The following GNG2 variants were observed in gnomAD, a reference collection of about 807,000 sequenced individuals.
GNG2 encodes the protein G protein subunit gamma 2.
A neutral mutation model predicts 5.5 loss-of-function variants in GNG2; 5 were observed. That is an observed-to-expected ratio of 0.91 (90% CI 0.48 to 1.92). The LOEUF is 1.92. GNG2 is among the 30% of genes most tolerant of loss of function. The pLI is 0.01. For synonymous variants in GNG2, 28 were observed against 32.0 expected, an observed-to-expected ratio of 0.88 and a Z score of 0.42; for missense variants, 55 against 88.4, an observed-to-expected ratio of 0.62 and a Z score of 1.52.
In GNG2 at chr14:51,966,788, C is replaced by A. The variant is rs1050563006; in HGVS notation, c.*101C>A. 9.1e-6 allele frequency: 9 copies of A among 991,630 alleles called. No individual in the cohort carries two copies. The highest frequency in any genetic ancestry group is 1.4e-5 in the Non-Finnish European group (9 of 635,790). 61.4% of individuals were successfully genotyped at this position (991,630 alleles called of 1,614,324 possible). ...TCTAGTCCACGGCATTTGAAGAGAG[C>A]GAGGAGAACCATTCTGGAAACTCTA... On this transcript the variant is annotated 3_prime_UTR_variant, in exon 4 of 4. Transcript: ENST00000556766.
intron 2 of GNG2, among the ~76,000 whole-genome samples, chr14:51,899,365 A>AATAGTTCCG: frequency 6.6e-6 from 1 of 152,338 alleles, no homozygotes; most frequent in South Asian, 2.1e-4. Flanking sequence ...CTGAAGTAAT[A>AATAGTTCCG]ATAGTTCCGA....
intron 2 of GNG2, among the ~76,000 whole-genome samples, chr14:51,938,853 AG>A (rs1594939664): frequency 6.6e-6 from 1 of 152,218 alleles, no homozygotes. Flanking sequence ...CCTGAACTAC[AG>A]GGGTTGCCTG....
intron 2 of GNG2, among the ~76,000 whole-genome samples, chr14:51,834,557 C>T (rs180889358): frequency 6.6e-6 from 1 of 152,322 alleles, no homozygotes; most frequent in East Asian, 1.9e-4. Context: ...AGACAGCTGC[C>T]TCTGTCTTAC....
At chr14:51,866,229 G>C (rs1366293960) in intron 1 of GNG2, among the ~76,000 whole-genome samples, 1 of 152,234 alleles carries the variant, frequency 6.6e-6, no homozygotes, top group Non-Finnish European at 1.5e-5. Flanking sequence ...CTCAGAGGTA[G>C]AGGAGAGGGG....
At chr14:51,897,967 C>T (rs1885311564) in intron 2 of GNG2, among the ~76,000 whole-genome samples, 1 of 152,210 alleles carries the variant, frequency 6.6e-6, no homozygotes, top group Non-Finnish European at 1.5e-5. Flanking sequence ...AGCAGAGAAA[C>T]CCTCTGGCTA....
chr14:51,944,517 G>C (rs999933263), intron 2 of GNG2, among the ~76,000 whole-genome samples: 2 of 152,138 alleles, frequency 1.3e-5, no homozygotes, highest in African/African-American at 4.8e-5. Context: ...TGTGAATGTG[G>C]GAAAGGACAC....
intron 2 of GNG2, among the ~76,000 whole-genome samples, 166 bp from the exon 3 acceptor site, chr14:51,950,484 C>G (rs1020141910): frequency 1.3e-5 from 2 of 152,200 alleles, no homozygotes; most frequent in African/African-American, 4.8e-5. Context: ...ACCTCATCCT[C>G]TGCTCTGCCT....
chr14:51,901,966 A>G, intron 2 of GNG2, among the ~76,000 whole-genome samples: 1 of 2,336 alleles, frequency 4.3e-4, no homozygotes, highest in Non-Finnish European at 1.4e-3. Context: ...CAATCTGTAA[A>G]AAAAAAAAAA....
At chr14:51,845,322 A>G (rs977412149) in intron 2 of GNG2, among the ~76,000 whole-genome samples, 1 of 152,148 alleles carries the variant, frequency 6.6e-6, no homozygotes, top group Admixed American at 6.5e-5. Flanking sequence ...GAAGCCCTAT[A>G]TCTACAAAAA....
intron 3 of GNG2, among the ~76,000 whole-genome samples, 177 bp downstream of exon 3, chr14:51,950,942 TA>T (rs752649294): frequency 6.6e-6 from 1 of 151,984 alleles, no homozygotes; most frequent in East Asian, 1.9e-4. Context: ...TAGAATGAAT[TA>T]GATCCTCTTT....
intron 2 of GNG2, among the ~76,000 whole-genome samples, chr14:51,847,881 C>CTTTTTTT (rs540204195): frequency 2.7e-4 from 13 of 48,190 alleles, no homozygotes; most frequent in African/African-American, 7.0e-4. Context: ...GGTCCTTTTT[C>CTTTTTTT]TTTTTTTTTT....
intron 2 of GNG2, chr14:51,916,193 C>A: frequency 8.7e-6 from 2 of 229,482 alleles, no homozygotes; most frequent in Non-Finnish European, 1.7e-5. Context: ...TGTAAAATTT[C>A]CTTGTGTTGA....
intron 2 of GNG2, among the ~76,000 whole-genome samples, chr14:51,946,111 T>G (rs1888628458): frequency 6.6e-6 from 1 of 152,140 alleles, no homozygotes; most frequent in South Asian, 2.1e-4. Context: ...CGTCTTGGGG[T>G]GTAATGTTTC....
chr14:51,887,682 T>G (rs1884560982), intron 2 of GNG2, among the ~76,000 whole-genome samples: 1 of 152,142 alleles, frequency 6.6e-6, no homozygotes, highest in African/African-American at 2.4e-5. Flanking sequence ...GCTGTGGGGT[T>G]AAAATGAACT....
intron 2 of GNG2, among the ~76,000 whole-genome samples, chr14:51,881,980 A>G (rs894679598): frequency 6.6e-6 from 1 of 152,134 alleles, no homozygotes; most frequent in Admixed American, 6.5e-5. Context: ...GCCTCATTTC[A>G]GCTTCAAATC....
Position 51,827,667 on chromosome 14 carries a change from G to T in GNG2, c.-76-1G>T. ...TCCACGTATATGTTTACATATCCCA[G>T]AATTACACGCAGTGGAAAAGCAGCA... is the stretch of plus-strand genomic sequence containing the variant. On this transcript the variant is annotated splice_acceptor_variant, in intron 1 of 3. Coordinates refer to the GNG2 transcript ENST00000553432. LOFTEE classifies it low-confidence loss of function (5UTR_SPLICE). 1 of 701,592 alleles carries T rather than the reference G, an allele frequency of 1.4e-6. No homozygotes were observed. Among genetic ancestry groups the T allele is most frequent in the South Asian group, 1.5e-5 (1 of 67,516 alleles). The allele number at this position is 701,592 out of a possible 1,614,324, so 43.5% of individuals were successfully genotyped here.
chr14:51,951,953 G>A (rs186279736), intron 3 of GNG2: 3 of 696,828 alleles, frequency 4.3e-6, no homozygotes, highest in East Asian at 5.4e-5. Flanking sequence ...AACACCCAGA[G>A]AGCTCTATAA....
chr14:51,908,449 G>A (rs546520243), intron 2 of GNG2, among the ~76,000 whole-genome samples: 27 of 152,274 alleles, frequency 1.8e-4, no homozygotes, highest in Non-Finnish European at 3.4e-4. Context: ...ATGGAGAGCT[G>A]CATTCTTTTA....
At chr14:51,843,554 A>G (rs1238520455) in intron 2 of GNG2, among the ~76,000 whole-genome samples, 1 of 144,914 alleles carries the variant, frequency 6.9e-6, no homozygotes, top group Non-Finnish European at 1.5e-5. Flanking sequence ...CACGATCTGC[A>G]CACGCATCCC....
Sources: gnomAD v4.1 joint callset for allele counts (sites outside exome capture counted in the v4.1 genomes callset) on GRCh38, gnomAD v4.1.1 for gene constraint, MANE v1.5 for transcripts, NCBI Gene and HGNC (gene_info 2026-07-23, HGNC 2026-07-21) for gene names.